PRKD1: variants seen among roughly 807,000 people sequenced by gnomAD.
PRKD1 encodes serine/threonine-protein kinase D1.
PRKD1 carries 63 observed loss-of-function variants against 95.9 expected under a neutral mutation model. The observed-to-expected ratio is 0.66, with a 90% CI of 0.54 to 0.81. The LOEUF is 0.81. Among genes scored for constraint, PRKD1 ranks in the 30% least tolerant of loss-of-function variants. PRKD1 has a pLI of 0.00. For synonymous variants in PRKD1, 425 were observed against 423.1 expected (o/e 1.00, Z -0.05); for missense variants, 1,048 against 1,165.3 (o/e 0.90, Z 1.47).
chr14:29,651,795 G>A (rs2139178505), intron 4 of PRKD1, among the ~76,000 whole-genome samples: 1 of 152,050 alleles, frequency 6.6e-6, no homozygotes, highest in African/African-American at 2.4e-5. Flanking sequence ...GCAGTCTAGA[G>A]TGCAATGGCT....
At chr14:29,846,900 CACCTGTGTTAAAGTG>C (rs1479041377) in intron 1 of PRKD1, among the ~76,000 whole-genome samples, 1 of 152,168 alleles carries the variant, frequency 6.6e-6, no homozygotes, top group African/African-American at 2.4e-5. Context: ...TCAAGCATGA[CACCTGTGTTAAAGTG>C]ACCTCATGCT....
chr14:29,806,989 T>C (rs1490833291), intron 1 of PRKD1, among the ~76,000 whole-genome samples: 1 of 152,114 alleles, frequency 6.6e-6, no homozygotes, highest in African/African-American at 2.4e-5. Flanking sequence ...CACTACACTG[T>C]AGTCAATTAA....
chr14:29,638,669 C>G, intron 5 of PRKD1, 25 bp downstream of exon 5: 1 of 1,612,554 alleles, frequency 6.2e-7, no homozygotes, highest in Non-Finnish European at 8.5e-7. Flanking sequence ...GATCAAAGTT[C>G]GACAGGTGAC....
chr14:29,711,811 G>T (rs569350070), intron 2 of PRKD1, among the ~76,000 whole-genome samples: 2 of 152,220 alleles, frequency 1.3e-5, no homozygotes, highest in African/African-American at 4.8e-5. Context: ...TAGTAAGTTT[G>T]TGTCATGCTC....
At chr14:29,708,727 T>C (rs1040420795) in intron 2 of PRKD1, among the ~76,000 whole-genome samples, 6 of 152,050 alleles carry the variant, frequency 3.9e-5, no homozygotes, top group African/African-American at 1.2e-4. Context: ...GTGGCTCGCA[T>C]GCCAGTAGTC....
chr14:29,867,920 T>C (rs1211391961), intron 1 of PRKD1, among the ~76,000 whole-genome samples: 1 of 152,228 alleles, frequency 6.6e-6, no homozygotes, highest in Non-Finnish European at 1.5e-5. Context: ...CAGGGTGGGA[T>C]TAGTCATAGA....
chr14:29,578,018 T>G lies in PRKD1; in HGVS notation c.2520+257A>C, dbSNP rs529236892. Among the ~76,000 whole-genome samples the G allele has an allele frequency of 5.4e-4, 82 of 152,184 alleles. 4 individuals are homozygous for G. In the South Asian group the frequency reaches 0.015, roughly 28 times the overall value. On this transcript the variant is annotated intron_variant, in intron 17 of 17. Transcript: ENST00000331968. ...TTGGTTTATTTATTTATTTTTGGTTTTGCCTTTTGGTTTTGGGCTGTGTGT... is the reference window on the plus strand; with the variant it reads ...TTGGTTTATTTATTTATTTTTGGTTGTGCCTTTTGGTTTTGGGCTGTGTGT...
At chr14:29,755,528 C>G (rs558026508) in intron 1 of PRKD1, among the ~76,000 whole-genome samples, 1 of 152,052 alleles carries the variant, frequency 6.6e-6, no homozygotes. Context: ...AACAAACTTA[C>G]CCCTGGTTGA....
chr14:29,816,013 A>T (rs1014044921), intron 1 of PRKD1, among the ~76,000 whole-genome samples: 2 of 152,102 alleles, frequency 1.3e-5, no homozygotes, highest in East Asian at 1.9e-4. Flanking sequence ...AAGTCAGGAG[A>T]TCGAGACCAT....
At chr14:29,704,626 T>C (rs1884990136) in intron 2 of PRKD1, among the ~76,000 whole-genome samples, 1 of 152,078 alleles carries the variant, frequency 6.6e-6, no homozygotes, top group Admixed American at 6.6e-5. Context: ...GTTGTTTCAA[T>C]ACAAATCTCA....
intron 4 of PRKD1, among the ~76,000 whole-genome samples, chr14:29,651,316 C>T (rs184167457): frequency 2.0e-3 from 308 of 152,234 alleles, no homozygotes; most frequent in African/African-American, 7.0e-3. Flanking sequence ...AAATAGATAC[C>T]ACTAAAAACT....
chr14:29,837,447 A>G (rs1375661318), intron 1 of PRKD1, among the ~76,000 whole-genome samples: 4 of 152,210 alleles, frequency 2.6e-5, no homozygotes, highest in Non-Finnish European at 5.9e-5. Flanking sequence ...ATGTGAATTT[A>G]AAGAAGCTTA....
intron 1 of PRKD1, among the ~76,000 whole-genome samples, chr14:29,814,947 C>T (rs1409415440): frequency 6.6e-6 from 1 of 152,120 alleles, no homozygotes; most frequent in Non-Finnish European, 1.5e-5. Flanking sequence ...AAGTGCCAGT[C>T]TAAAGGAAGA....
chr14:29,595,811 G>A (rs925699270), intron 16 of PRKD1, among the ~76,000 whole-genome samples: 11 of 152,072 alleles, frequency 7.2e-5, no homozygotes, highest in Non-Finnish European at 1.2e-4. Flanking sequence ...GTGGTATTAC[G>A]GATTTGCATT....
At chr14:29,898,721 G>A (rs1894216715) in intron 1 of PRKD1, among the ~76,000 whole-genome samples, 2 of 152,160 alleles carry the variant, frequency 1.3e-5, no homozygotes, top group Non-Finnish European at 2.9e-5. Context: ...TTGCGAATTT[G>A]ACTAAATTGA....
chr14:29,819,189 T>C (rs769420591), intron 1 of PRKD1, among the ~76,000 whole-genome samples: 1 of 152,084 alleles, frequency 6.6e-6, no homozygotes, highest in Non-Finnish European at 1.5e-5. Flanking sequence ...TTGATAAAAC[T>C]GAAATATAAA....
At chr14:29,902,186 G>C (rs1402106985) in intron 1 of PRKD1, among the ~76,000 whole-genome samples, 1 of 151,750 alleles carries the variant, frequency 6.6e-6, no homozygotes, top group Non-Finnish European at 1.5e-5. Flanking sequence ...TTGAACCCGG[G>C]AGGCAGAGGT....
At chr14:29,848,740 G>A (rs1192151722) in intron 1 of PRKD1, among the ~76,000 whole-genome samples, 3 of 151,226 alleles carry the variant, frequency 2.0e-5, no homozygotes, top group Non-Finnish European at 3.0e-5. Flanking sequence ...AACAGAAACT[G>A]TCTGCAAAAA....
chr14:29,625,759 T>C (rs1026026123), intron 12 of PRKD1, among the ~76,000 whole-genome samples: 2 of 152,068 alleles, frequency 1.3e-5, no homozygotes, highest in Non-Finnish European at 2.9e-5. Context: ...CAATATCATA[T>C]AGTGATAAAT....
Sources: allele counts gnomAD v4.1 joint callset (sites outside exome capture counted in the v4.1 genomes callset), GRCh38; gene constraint gnomAD v4.1.1; transcripts MANE v1.5; gene names NCBI Gene and HGNC (gene_info 2026-07-23, HGNC 2026-07-21).